TTC39B: variants seen among roughly 807,000 people sequenced by gnomAD.
The protein encoded by TTC39B is tetratricopeptide repeat protein 39B.
Under a neutral mutation model 96.6 loss-of-function variants are expected in TTC39B, and 92 were observed. That is an observed-to-expected ratio of 0.95 (90% CI 0.80 to 1.13). TTC39B has a LOEUF of 1.13. Ranked by LOEUF, TTC39B falls within the 50% of genes most tolerant of loss-of-function variation. TTC39B has a pLI of 0.00. For missense variants in TTC39B, 955 were observed against 809.3 expected, an observed-to-expected ratio of 1.18 and a Z score of -2.18; for synonymous variants, 367 against 299.4, an observed-to-expected ratio of 1.23 and a Z score of -2.33.
At chr9:15,219,573 A>G (rs899331664) in intron 3 of TTC39B, among the ~76,000 whole-genome samples, 3 of 152,180 alleles carry the variant, frequency 2.0e-5, no homozygotes, top group African/African-American at 7.2e-5. Context: ...CTCATCCAAG[A>G]GGTGCCCTCC....
chr9:15,292,556 C>T (rs1285904315), intron 1 of TTC39B, among the ~76,000 whole-genome samples: 1 of 152,110 alleles, frequency 6.6e-6, no homozygotes, highest in Non-Finnish European at 1.5e-5. Flanking sequence ...AACTCTAAAA[C>T]AGCCTCAGGC....
chr9:15,277,432 C>A (rs971029815), intron 1 of TTC39B, among the ~76,000 whole-genome samples: 6 of 152,240 alleles, frequency 3.9e-5, no homozygotes, highest in Non-Finnish European at 7.4e-5. Flanking sequence ...CTAAAAACAA[C>A]AACAACGTAA....
At chr9:15,168,807 G>A (rs1412727949) in exon 20 of TTC39B, 5 of 52,714 alleles carry the variant, frequency 9.5e-5, no homozygotes, top group African/African-American at 2.3e-4. Flanking sequence ...GCGAGACTCT[G>A]TCTCAATAAA....
chr9:15,281,194 A>C (rs1823748746), intron 1 of TTC39B, among the ~76,000 whole-genome samples: 2 of 152,148 alleles, frequency 1.3e-5, no homozygotes, highest in African/African-American at 4.8e-5. Context: ...CAACAACAAC[A>C]ACAAAAACCC....
chr9:15,303,289 A>G (rs1197166247), intron 1 of TTC39B, among the ~76,000 whole-genome samples: 1 of 152,236 alleles, frequency 6.6e-6, no homozygotes, highest in Non-Finnish European at 1.5e-5. Context: ...CCTACATAAT[A>G]GCAATGTAAT....
At chr9:15,202,520 T>G (rs1250825644) in intron 7 of TTC39B, among the ~76,000 whole-genome samples, 8 of 152,162 alleles carry the variant, frequency 5.3e-5, no homozygotes. Context: ...GAGACCAGCC[T>G]GACCAATATG....
intron 1 of TTC39B, 42 bp from the exon 2 acceptor site, chr9:15,267,990 C>G (rs1823199772): frequency 6.3e-7 from 1 of 1,575,138 alleles, no homozygotes; most frequent in African/African-American, 1.4e-5. Flanking sequence ...CAAGAATTCT[C>G]AATGGGTTTC....
exon 20 of TTC39B, chr9:15,164,452 G>C (rs1427484308): frequency 6.6e-6 from 1 of 152,092 alleles, no homozygotes; most frequent in Non-Finnish European, 1.5e-5. Flanking sequence ...AGTTAACAGA[G>C]GTTTTGAGGT....
chr9:15,280,130 T>C (rs765400496), intron 1 of TTC39B, among the ~76,000 whole-genome samples: 3 of 152,142 alleles, frequency 2.0e-5, no homozygotes, highest in Non-Finnish European at 2.9e-5. Flanking sequence ...ACTCCTGGCC[T>C]CAAGTAATCG....
chr9:15,168,745 G>A (rs574331066), exon 20 of TTC39B: 6 of 152,342 alleles, frequency 3.9e-5, no homozygotes, highest in South Asian at 4.1e-4. Flanking sequence ...CTGGGAGGAG[G>A]AGCTTGCAGT....
chr9:15,163,852 A>G (rs749082509), exon 20 of TTC39B: 1 of 152,220 alleles, frequency 6.6e-6, no homozygotes, highest in Non-Finnish European at 1.5e-5. Context: ...TGTTTTCAAA[A>G]ACATCCTAAT....
intron 2 of TTC39B, among the ~76,000 whole-genome samples, chr9:15,236,035 A>G (rs1399733412): frequency 1.3e-5 from 2 of 152,208 alleles, no homozygotes; most frequent in Non-Finnish European, 2.9e-5. Context: ...GTTTTTTAAA[A>G]AAAATACAAG....
chr9:15,292,285 G>T (rs1444452770), intron 1 of TTC39B, among the ~76,000 whole-genome samples: 1 of 152,096 alleles, frequency 6.6e-6, no homozygotes, highest in Admixed American at 6.6e-5. Flanking sequence ...CCATAAGATT[G>T]GAGTGGAGCT....
intron 17 of TTC39B, among the ~76,000 whole-genome samples, chr9:15,180,246 T>C (rs901451096): frequency 2.0e-5 from 3 of 152,168 alleles, no homozygotes; most frequent in Non-Finnish European, 2.9e-5. Context: ...AATCTGAAAA[T>C]AGATTTAGAA....
At chr9:15,185,465 T>G (rs765554624) in intron 15 of TTC39B, 59 bp from the exon 16 acceptor site, 1 of 1,599,778 alleles carries the variant, frequency 6.3e-7, no homozygotes, top group Admixed American at 1.7e-5. Flanking sequence ...ACATTATTTG[T>G]ACCTGTGGTT....
In TTC39B at chr9:15,302,539, C is replaced by CAAAA. The variant is rs145173046; in HGVS notation, c.240+4541_240+4544dup. 6.9e-3 allele frequency among the ~76,000 whole-genome samples: 317 copies of CAAAA among 46,252 alleles called. 8 individuals carry two copies. The highest frequency in any genetic ancestry group is 8.5e-3 in the East Asian group (10 of 1,180). The allele number at this position is 46,252 out of a possible 152,430, so 30.3% of individuals were successfully genotyped here. On this transcript the variant is annotated intron_variant, in intron 1 of 19. Coordinates refer to ENST00000512701, the Ensembl canonical transcript of TTC39B. Reference sequence around the variant, plus strand: ...TGGGTGACAAAGCGAGATTCCGTCTCAAAAAAAAAAAAAAAAAAAAAAAAG... The same window carrying CAAAA: ...TGGGTGACAAAGCGAGATTCCGTCTCAAAAAAAAAAAAAAAAAAAAAAAAAAAAG...
Position 15,281,625 on chromosome 9 carries a change from C to CAAAAA in TTC39B, c.241-13682_241-13678dup, listed in dbSNP as rs1161175672. On this transcript the variant is annotated intron_variant, in intron 1 of 19. Coordinates refer to ENST00000512701, the Ensembl canonical transcript of TTC39B. ...CCTACCAACATCCCCCCTGCAACAG[C>CAAAAA]AAAAAAAAAAAAAAAAAAAAAAAAA... Among the ~76,000 whole-genome samples the CAAAAA allele has an allele frequency of 2.5e-3, 122 of 48,920 alleles. 1 individual carries two copies. The highest frequency in any genetic ancestry group is 5.7e-3 in the African/African-American group (60 of 10,474). 32.1% of individuals were successfully genotyped at this position (48,920 alleles called of 152,430 possible). A position where few individuals can be genotyped will look rare whatever the true frequency, so the allele number is the denominator to read the frequency against.
At chr9:15,210,398 C>T (rs370010012) in intron 5 of TTC39B, among the ~76,000 whole-genome samples, 1 of 152,234 alleles carries the variant, frequency 6.6e-6, no homozygotes, top group African/African-American at 2.4e-5. Context: ...TGGGGAAACC[C>T]ACACACACCA....
intron 2 of TTC39B, among the ~76,000 whole-genome samples, chr9:15,246,045 G>A (rs1454281921): frequency 6.6e-6 from 1 of 152,154 alleles, no homozygotes; most frequent in Non-Finnish European, 1.5e-5. Flanking sequence ...CCTGAGGTCA[G>A]GAGTTCGAGA....
Sources: gnomAD v4.1 joint callset for allele counts (sites outside exome capture counted in the v4.1 genomes callset) on GRCh38, gnomAD v4.1.1 for gene constraint, MANE v1.5 for transcripts, NCBI Gene and HGNC (gene_info 2026-07-23, HGNC 2026-07-21) for gene names.